The following FOXP2 variants were observed in gnomAD, a reference collection of about 807,000 sequenced individuals.
FOXP2 encodes the protein forkhead box protein P2.
A neutral mutation model predicts 115.8 loss-of-function variants in FOXP2; 12 were observed. That is an observed-to-expected ratio of 0.10 (90% confidence interval 0.07 to 0.17). FOXP2 has a LOEUF of 0.17. Among genes scored for constraint, FOXP2 ranks in the 10% least tolerant of loss-of-function variants. The pLI, the probability that FOXP2 is intolerant of heterozygous loss-of-function variation, is 1.00. For synonymous variants in FOXP2, 328 were observed against 297.7 expected (o/e 1.10, Z -1.05); for missense variants, 629 against 843.5 (o/e 0.75, Z 3.15).
At chr7:114,680,215 C>A (rs1453945834) in intron 16 of FOXP2, among the ~76,000 whole-genome samples, 4 of 152,124 alleles carry the variant, frequency 2.6e-5, no homozygotes, top group Non-Finnish European at 5.9e-5. Context: ...CTTTTTAAAG[C>A]AAGAAACATA....
At chr7:114,411,298 T>C (rs1793156867), upstream of FOXP2, among the ~76,000 whole-genome samples, 1 of 152,266 alleles carries the variant, frequency 6.6e-6, no homozygotes, top group South Asian at 2.1e-4. Flanking sequence ...TGTATTAAAA[T>C]GCTGATTAAA....
chr7:114,551,498 G>A (rs73429362), intron 3 of FOXP2, among the ~76,000 whole-genome samples: 1,822 of 152,198 alleles, frequency 0.012, 35 homozygotes, highest in African/African-American at 0.042. Flanking sequence ...ACTTACAGAT[G>A]AGCAGAATAA....
intron 3 of FOXP2, among the ~76,000 whole-genome samples, chr7:114,560,551 A>G (rs1372916162): frequency 6.6e-6 from 1 of 152,132 alleles, no homozygotes; most frequent in East Asian, 1.9e-4. Context: ...AGGAGGCAGC[A>G]GTTGCAGTGA....
At chr7:114,436,471 G>A (rs1433868535) in intron 2 of FOXP2, among the ~76,000 whole-genome samples, 1 of 148,920 alleles carries the variant, frequency 6.7e-6, no homozygotes, top group Non-Finnish European at 1.5e-5. Context: ...AATAATTAAT[G>A]TAATTATTTT....
intron 1 of FOXP2, among the ~76,000 whole-genome samples, chr7:114,283,969 A>C (rs1280939262): frequency 6.6e-6 from 1 of 152,196 alleles, no homozygotes; most frequent in Non-Finnish European, 1.5e-5. Context: ...TCTAAAAAGA[A>C]GAGCAAAACA....
chr7:114,350,964 CTACT>C (rs1294218241), intron 2 of FOXP2, among the ~76,000 whole-genome samples: 3 of 152,122 alleles, frequency 2.0e-5, no homozygotes, highest in East Asian at 3.9e-4. Flanking sequence ...CATCTCTAGA[CTACT>C]TAGAGTGCCT....
At chr7:114,525,008 C>T (rs1394426061) in intron 2 of FOXP2, among the ~76,000 whole-genome samples, 3 of 152,152 alleles carry the variant, frequency 2.0e-5, no homozygotes, top group Non-Finnish European at 4.4e-5. Flanking sequence ...TATCATAGAA[C>T]ATGACTCTAT....
At chr7:114,534,179 T>C (rs17373157) in intron 2 of FOXP2, among the ~76,000 whole-genome samples, 12,711 of 151,938 alleles carry the variant, frequency 0.084, 598 homozygotes, top group Middle Eastern at 0.16. Flanking sequence ...TTCAAGATAA[T>C]CTGATGTTGA....
intron 2 of FOXP2, among the ~76,000 whole-genome samples, chr7:114,294,318 G>A (rs1796681839): frequency 6.6e-6 from 1 of 152,094 alleles, no homozygotes; most frequent in African/African-American, 2.4e-5. Flanking sequence ...CAGGATCTGG[G>A]CTTGCAGTAT....
chr7:114,307,570 C>A (rs934065708), intron 2 of FOXP2, among the ~76,000 whole-genome samples: 7 of 152,264 alleles, frequency 4.6e-5, no homozygotes, highest in Admixed American at 4.6e-4. Flanking sequence ...AAGTTCTCTT[C>A]AAGATGCATT....
At position 114,504,354 on chromosome 7, in the gene FOXP2, A is replaced by G. The variant is rs557804887; in HGVS notation, c.169-30263A>G. On this transcript the variant is annotated intron_variant, in intron 2 of 16. Coordinates refer to ENST00000350908, the MANE Select transcript of FOXP2 (RefSeq NM_014491.4). ...ACTTAAATTTCTCAAGAGAGTGTTG[A>G]GCCATGATGATAGTATCTGCCTTTC... Among the ~76,000 whole-genome samples, 8 of 151,724 alleles carry G rather than the reference A, an allele frequency of 5.3e-5. No individual in the cohort carries two copies. The South Asian group carries it at 1.4e-3, about 27-fold the overall frequency.
Position 114,131,568 on chromosome 7 carries a change from A to G in FOXP2, c.-246-31376A>G, listed in dbSNP as rs76814063. ...GCAAGGAATGTGCAAAAAAAAAAGA[A>G]AAACATATGAAAAGAGAAATGTGTA... On this transcript the variant is annotated intron_variant, in intron 1 of 19. Transcript: ENST00000635638. Among the ~76,000 whole-genome samples the G allele has an allele frequency of 4.4e-3, 664 of 152,340 alleles. 3 individuals carry two copies. The highest frequency in any genetic ancestry group is 0.015 in the African/African-American group (638 of 41,586).
intron 1 of FOXP2, among the ~76,000 whole-genome samples, chr7:114,281,518 C>A (rs1442458610): frequency 6.6e-6 from 1 of 152,124 alleles, no homozygotes; most frequent in Non-Finnish European, 1.5e-5. Context: ...AAGGCAGAAA[C>A]CTACAACTAA....
In FOXP2 at chr7:114,692,592, C is replaced by A. The variant is rs776271609; in HGVS notation, c.*2666C>A. The A allele has an allele frequency of 5.5e-5, 25 of 451,454 alleles. No homozygotes were observed. The highest frequency in any genetic ancestry group is 3.9e-4 in the South Asian group (25 of 63,408). The allele number at this position is 451,454 out of a possible 1,614,324, so 28.0% of individuals were successfully genotyped here. ...TCATTGCTTGCTAGTAATAGCAAATCTGCTTTTCTGCATCTGCTTTGCGTA... is the reference window on the plus strand; with the variant it reads ...TCATTGCTTGCTAGTAATAGCAAATATGCTTTTCTGCATCTGCTTTGCGTA... On this transcript the variant is annotated 3_prime_UTR_variant, in exon 17 of 17. Transcript: ENST00000350908.
intron 2 of FOXP2, among the ~76,000 whole-genome samples, chr7:114,468,371 C>T (rs986890588): frequency 6.6e-6 from 1 of 151,934 alleles, no homozygotes; most frequent in South Asian, 2.1e-4. Context: ...ATTGTCATGT[C>T]GCTCACTTGC....
At chr7:114,308,315 T>C (rs1797065517) in intron 2 of FOXP2, among the ~76,000 whole-genome samples, 2 of 152,290 alleles carry the variant, frequency 1.3e-5, no homozygotes, top group African/African-American at 2.4e-5. Flanking sequence ...TCTAGGATTA[T>C]ATCAATCCAA....
At position 114,642,692 on chromosome 7, in the gene FOXP2, A is replaced by G. The variant is rs1024829028; in HGVS notation, c.989+69A>G. The stretch of plus-strand genomic sequence containing the variant: ...TTTATTTTCACCATTGAGACAATGA[A>G]AAAGAACAATTTGTACTTGGAGCAA... On this transcript the variant is annotated intron_variant, in intron 7 of 16. Coordinates refer to ENST00000350908, the MANE Select transcript of FOXP2 (RefSeq NM_014491.4). 24 of 1,425,982 alleles carry G rather than the reference A, an allele frequency of 1.7e-5. No individual in the cohort carries two copies. In the Middle Eastern group the frequency reaches 5.3e-4, roughly 32 times the overall value. 88.3% of individuals were successfully genotyped at this position (1,425,982 alleles called of 1,614,324 possible).
chr7:114,406,604 C>T (rs1295266100), intron 2 of FOXP2, among the ~76,000 whole-genome samples: 2 of 151,924 alleles, frequency 1.3e-5, no homozygotes, highest in Non-Finnish European at 2.9e-5. Context: ...AACTTTCTCA[C>T]TTACATAATG....
At chr7:114,179,097 G>A (rs998596741) in intron 1 of FOXP2, among the ~76,000 whole-genome samples, 3 of 151,772 alleles carry the variant, frequency 2.0e-5, no homozygotes, top group African/African-American at 7.3e-5. Context: ...TTTATAAGAA[G>A]GCTCGTACAA....
Sources: gnomAD v4.1 joint callset for allele counts (sites outside exome capture counted in the v4.1 genomes callset) on GRCh38, gnomAD v4.1.1 for gene constraint, MANE v1.5 for transcripts, NCBI Gene and HGNC (gene_info 2026-07-23, HGNC 2026-07-21) for gene names.